The following CRYBG1 variants were observed in gnomAD, a reference collection of about 807,000 sequenced individuals.
CRYBG1 encodes the protein beta/gamma crystallin domain-containing protein 1.
CRYBG1 carries 139 observed loss-of-function variants against 189.2 expected under a neutral mutation model. The observed-to-expected ratio is 0.73, with a 90% CI of 0.64 to 0.85. The LOEUF (loss-of-function observed/expected upper bound fraction) is 0.85. Ranked by LOEUF, CRYBG1 falls within the 40% of genes least tolerant of loss-of-function variation. The probability of loss-of-function intolerance (pLI) is 0.00; values close to 1 mark genes in which losing one functional copy is unlikely to be tolerated. For missense variants in CRYBG1, 2,611 were observed against 2,675.8 expected (o/e 0.98, Z 0.53); for synonymous variants, 1,023 against 1,017.1 (o/e 1.01, Z -0.11).
chr6:106,493,895 C>G (rs1772782624), intron 2 of CRYBG1, among the ~76,000 whole-genome samples: 1 of 152,090 alleles, frequency 6.6e-6, no homozygotes, highest in East Asian at 1.9e-4. Context: ...AGCTAACCAC[C>G]ATGGCATACG....
intron 1 of CRYBG1, among the ~76,000 whole-genome samples, chr6:106,408,751 A>T (rs1024200486): frequency 1.3e-5 from 2 of 152,200 alleles, no homozygotes; most frequent in Admixed American, 6.5e-5. Flanking sequence ...CCATCACATA[A>T]ACAGAACCAA....
intron 1 of CRYBG1, among the ~76,000 whole-genome samples, chr6:106,422,344 A>ATTTTTTTTTTTTTTT (rs145135507): frequency 2.1e-5 from 3 of 139,928 alleles, no homozygotes; most frequent in Admixed American, 7.3e-5. Context: ...TTATTTATTT[A>ATTTTTTTTTTTTTTT]TTTTTGAGAC....
intron 1 of CRYBG1, among the ~76,000 whole-genome samples, chr6:106,392,712 T>C (rs1052195494): frequency 6.6e-6 from 1 of 152,240 alleles, no homozygotes; most frequent in Non-Finnish European, 1.5e-5. Flanking sequence ...AATTTTACCA[T>C]TGTGCAAAGG....
At chr6:106,453,511 G>A (rs1186235052) in intron 2 of CRYBG1, among the ~76,000 whole-genome samples, 1 of 151,938 alleles carries the variant, frequency 6.6e-6, no homozygotes, top group Non-Finnish European at 1.5e-5. Flanking sequence ...TTTTAACTAG[G>A]GGAAAAAAAA....
intron 1 of CRYBG1, among the ~76,000 whole-genome samples, chr6:106,433,304 C>A (rs1365451047): frequency 6.6e-6 from 1 of 152,190 alleles, no homozygotes; most frequent in Non-Finnish European, 1.5e-5. Context: ...ATAAGACAAT[C>A]TTCATACTGT....
intron 1 of CRYBG1, among the ~76,000 whole-genome samples, chr6:106,429,408 T>TAA (rs1491372416): frequency 3.4e-5 from 5 of 147,622 alleles, no homozygotes; most frequent in African/African-American, 7.4e-5. Flanking sequence ...TATATATATA[T>TAA]AATTCTAGAG....
At chr6:106,471,685 T>A (rs1416852009) in intron 2 of CRYBG1, among the ~76,000 whole-genome samples, 1 of 152,062 alleles carries the variant, frequency 6.6e-6, no homozygotes, top group East Asian at 1.9e-4. Flanking sequence ...TGGGTCATCC[T>A]GGAAGTGACG....
rs1773578716 is a variant in CRYBG1, at chr6:106,520,591, C to G, written c.3383C>G (p.Ala1128Gly). 1 of 1,614,006 alleles carries G rather than the reference C, an allele frequency of 6.2e-7. No homozygotes were observed. Among genetic ancestry groups the G allele is most frequent in the Non-Finnish European group, 8.5e-7 (1 of 1,179,948 alleles). The stretch of plus-strand genomic sequence containing the variant: ...TGTATGCCCATGAAAAGAAAGAAGG[C>G]CAGGATGCCAAACTCTCCTGCTCCT... ...AVCMPMKRKK[A>G]RMPNSPAPHF... The change falls in exon 4 of 22, where the codon GCC becomes GGC. Residue 1128 changes from alanine (A) to glycine (G), a missense_variant. Ala to Gly is a moderately conservative substitution (Grantham distance 60). This residue lies in a region of CRYBG1 where 1,622 missense variants were observed against 1,735.0 expected (regional missense o/e 0.93). Coordinates refer to ENST00000633556, the MANE Select transcript of CRYBG1 (RefSeq NM_001371242.2).
intron 2 of CRYBG1, among the ~76,000 whole-genome samples, chr6:106,476,662 A>G (rs1772340778): frequency 6.6e-6 from 1 of 152,148 alleles, no homozygotes. Flanking sequence ...CCTCCTCCCC[A>G]TGAATCACTA....
chr6:106,409,481 C>T (rs998306168), intron 1 of CRYBG1, among the ~76,000 whole-genome samples: 17 of 150,626 alleles, frequency 1.1e-4, no homozygotes, highest in Admixed American at 1.1e-3. Flanking sequence ...CTATTCCCAT[C>T]AAGTTACCAT....
intron 1 of CRYBG1, among the ~76,000 whole-genome samples, chr6:106,408,544 C>T (rs756505797): frequency 6.6e-6 from 1 of 152,152 alleles, no homozygotes; most frequent in Non-Finnish European, 1.5e-5. Flanking sequence ...CATCCTGATA[C>T]CAAAAGCTGG....
intron 17 of CRYBG1, among the ~76,000 whole-genome samples, chr6:106,556,525 C>T (rs1774549758): frequency 6.6e-6 from 1 of 152,158 alleles, no homozygotes. Context: ...TGACTTCTCC[C>T]AGTTTGCCAC....
chr6:106,444,485 G>A (rs945950662), intron 1 of CRYBG1, among the ~76,000 whole-genome samples: 2 of 152,136 alleles, frequency 1.3e-5, no homozygotes, highest in African/African-American at 4.8e-5. Flanking sequence ...TTGGTCCTCG[G>A]CCTTGGCTTC....
rs745392090 is a variant in CRYBG1, at chr6:106,543,424, C to A, written c.4882-16C>A. The stretch of plus-strand genomic sequence containing the variant: ...TACTTCTTACAGATTACTGGTATAT[C>A]TCATTTCTATTGTAGGTAGTTGTTT... On this transcript the variant is annotated splice_polypyrimidine_tract_variant and intron_variant, in intron 10 of 21. Transcript: ENST00000633556. 6.2e-7 allele frequency: 1 copy of A among 1,603,494 alleles called. No homozygotes were observed. The highest frequency in any genetic ancestry group is 1.7e-5 in the Admixed American group (1 of 59,694).
intron 9 of CRYBG1, among the ~76,000 whole-genome samples, chr6:106,540,667 A>G (rs1294190136): frequency 6.6e-6 from 1 of 152,096 alleles, no homozygotes; most frequent in African/African-American, 2.4e-5. Context: ...GTTTGCTGAT[A>G]ATATCAGCCA....
chr6:106,462,303 T>G (rs1448314639), intron 2 of CRYBG1, among the ~76,000 whole-genome samples: 1 of 152,200 alleles, frequency 6.6e-6, no homozygotes, highest in Non-Finnish European at 1.5e-5. Context: ...CCCGAGTAGC[T>G]GGGACTACAG....
At position 106,519,216 on chromosome 6, in the gene CRYBG1, C is replaced by A; in HGVS notation, c.2008C>A (p.Gln670Lys). 6.2e-7 allele frequency: 1 copy of A among 1,614,094 alleles called. No homozygotes were observed. The highest frequency in any genetic ancestry group is 1.1e-5 in the South Asian group (1 of 91,082). The change falls in exon 4 of 22, where the codon CAG (glutamine) becomes AAG (lysine). Residue 670 changes from glutamine (Q) to lysine (K), a missense_variant. Coordinates refer to ENST00000633556, the MANE Select transcript of CRYBG1 (RefSeq NM_001371242.2). ...GGGAAATGAGCACAATCCATTTAGC[C>A]AGCCAGTTCACAAAGGCAACACTGC... is the stretch of plus-strand genomic sequence containing the variant. The part of the protein sequence containing the change: ...SLGNEHNPFS[Q>K]PVHKGNTATK...
chr6:106,568,746 CA>C lies in CRYBG1; in HGVS notation c.*181del. 2 of 533,476 alleles carry C rather than the reference CA, an allele frequency of 3.7e-6. No homozygotes were observed. The highest frequency in any genetic ancestry group is 6.0e-5 in the South Asian group (2 of 33,180). 33.0% of individuals were successfully genotyped at this position (533,476 alleles called of 1,614,324 possible). A position where few individuals can be genotyped will look rare whatever the true frequency, so the allele number is the denominator to read the frequency against. ...CTTACTCATCGTTTCAAAAGACTAT[CA>C]TAGCTTTAAACCAATAATTTGTCCT... On this transcript the variant is annotated 3_prime_UTR_variant, in exon 22 of 22. Transcript: ENST00000633556.
rs73520804 is a variant in CRYBG1 at position 106,519,483 on chromosome 6, G to A, written c.2275G>A (p.Glu759Lys). Residue 759 changes from glutamate (E) to lysine (K), a missense_variant, in exon 4 of 22, where the codon GAG (glutamate) becomes AAG (lysine). By Grantham distance (56) the Glu-to-Lys change is moderately conservative. This residue lies in a region of CRYBG1 where 1,622 missense variants were observed against 1,735.0 expected (regional missense o/e 0.93). Transcript: ENST00000633556. The stretch of plus-strand genomic sequence containing the variant: ...AACCAAAGTTACCGTCTCGGAAGAA[G>A]AGATTCTGCCAGCAACCAGAGGAAT... ...IETKVTVSEE[E>K]ILPATRGMNG... The A allele has an allele frequency of 4.9e-4, 794 of 1,614,126 alleles. 6 individuals carry two copies. In the African/African-American group the frequency reaches 9.9e-3, roughly 20 times the overall value.
Sources: allele counts gnomAD v4.1 joint callset (sites outside exome capture counted in the v4.1 genomes callset), GRCh38; gene constraint gnomAD v4.1.1; regional missense constraint gnomAD v4.1.1; transcripts MANE v1.5; gene names NCBI Gene and HGNC (gene_info 2026-07-23, HGNC 2026-07-21).